Variants in LOXL2 observed in about 807,000 individuals in gnomAD.
LOXL2 encodes lysyl oxidase homolog 2.
A neutral mutation model predicts 93.0 loss-of-function variants in LOXL2; 70 were observed. The observed-to-expected ratio is 0.75, with a 90% CI of 0.62 to 0.92. LOXL2 has a LOEUF of 0.92. Ranked by LOEUF, LOXL2 falls within the 40% of genes least tolerant of loss-of-function variation. The pLI, the probability that LOXL2 is intolerant of heterozygous loss-of-function variation, is 0.00. For missense variants in LOXL2, 973 were observed against 1,054.9 expected (o/e 0.92, Z 1.08); for synonymous variants, 438 against 413.2 (o/e 1.06, Z -0.73).
At chr8:23,318,123 C>T (rs189874853) in intron 8 of LOXL2, among the ~76,000 whole-genome samples, 2 of 152,000 alleles carry the variant, frequency 1.3e-5, no homozygotes, top group African/African-American at 2.4e-5. Context: ...AGGCAGATTA[C>T]CCTCCATAAT....
chr8:23,385,558 C>A (rs1298319925), intron 1 of LOXL2, among the ~76,000 whole-genome samples: 1 of 152,062 alleles, frequency 6.6e-6, no homozygotes, highest in Non-Finnish European at 1.5e-5. Context: ...CTACACCCAG[C>A]CAAAGTTGGA....
At chr8:23,363,773 T>C (rs1438327233) in intron 2 of LOXL2, 2 of 152,216 alleles carry the variant, frequency 1.3e-5, no homozygotes, top group South Asian at 2.1e-4. Flanking sequence ...CTTCCACATA[T>C]GCTTGGTCAA....
chr8:23,364,848 A>G (rs1036794890), intron 2 of LOXL2: 2 of 152,186 alleles, frequency 1.3e-5, no homozygotes, highest in Non-Finnish European at 2.9e-5. Flanking sequence ...TCTCAAAGAA[A>G]AGGAAAGAAA....
At chr8:23,305,444 G>T (rs1803214845) in intron 10 of LOXL2, among the ~76,000 whole-genome samples, 1 of 152,108 alleles carries the variant, frequency 6.6e-6, no homozygotes, top group Admixed American at 6.5e-5. Flanking sequence ...GGCGTATGCG[G>T]TCATCCCTCC....
intron 10 of LOXL2, among the ~76,000 whole-genome samples, chr8:23,305,254 C>T (rs1209491309): frequency 1.3e-5 from 2 of 152,164 alleles, no homozygotes; most frequent in African/African-American, 2.4e-5. Flanking sequence ...AGAATTCAGA[C>T]GGAGCGCACA....
chr8:23,398,461 A>C (rs542055083), intron 1 of LOXL2, among the ~76,000 whole-genome samples: 2 of 152,334 alleles, frequency 1.3e-5, no homozygotes, highest in African/African-American at 4.8e-5. Flanking sequence ...ATCCCAAGTG[A>C]AGGGATCAAA....
chr8:23,308,374 T>TG (rs1803266450), intron 10 of LOXL2, among the ~76,000 whole-genome samples: 1 of 152,240 alleles, frequency 6.6e-6, no homozygotes, highest in African/African-American at 2.4e-5. Context: ...CAGATACCTC[T>TG]GGTCCAAGGA....
At position 23,334,231 on chromosome 8, in the gene LOXL2, GT is replaced by G. The variant is rs554442325; in HGVS notation, c.744-609del. ...TTTTTGTATTTTTAGTAGAGACGGG[GT>G]TTCGCCATGTTGGCCAGGATGGTCT... On this transcript the variant is annotated intron_variant, in intron 4 of 13. Transcript: ENST00000389131. Among the ~76,000 whole-genome samples the G allele has an allele frequency of 2.4e-3, 365 of 152,316 alleles. 3 individuals carry two copies. The highest frequency in any genetic ancestry group is 8.2e-3 in the African/African-American group (342 of 41,580).
At chr8:23,357,411 C>A (rs1038454866) in intron 3 of LOXL2, among the ~76,000 whole-genome samples, 1 of 152,138 alleles carries the variant, frequency 6.6e-6, no homozygotes, top group Non-Finnish European at 1.5e-5. Flanking sequence ...CATGAAAATT[C>A]TGCTTTTGAA....
intron 1 of LOXL2, among the ~76,000 whole-genome samples, chr8:23,399,212 T>A (rs568030776): frequency 7.9e-5 from 12 of 152,168 alleles, no homozygotes; most frequent in Non-Finnish European, 1.6e-4. Context: ...GTGACTGCCA[T>A]GCAGACCGAC....
chr8:23,318,425 G>GCA (rs59051890), intron 8 of LOXL2, among the ~76,000 whole-genome samples: 4,168 of 145,806 alleles, frequency 0.029, 122 homozygotes, highest in Admixed American at 0.097. Context: ...TTGGTTGATA[G>GCA]CACACACACA....
chr8:23,304,632 T>C (rs935579453), intron 10 of LOXL2, among the ~76,000 whole-genome samples: 3 of 152,106 alleles, frequency 2.0e-5, no homozygotes, highest in East Asian at 3.9e-4. Flanking sequence ...GGCCGCAAGA[T>C]TGAATAAGAT....
intron 1 of LOXL2, among the ~76,000 whole-genome samples, chr8:23,372,673 G>A (rs900631377): frequency 2.6e-5 from 4 of 152,160 alleles, no homozygotes; most frequent in African/African-American, 7.2e-5. Flanking sequence ...GACAGTTTAC[G>A]ATAATGAAAG....
At chr8:23,304,127 ACAG>A (rs1330791632) in intron 10 of LOXL2, among the ~76,000 whole-genome samples, 2 of 152,240 alleles carry the variant, frequency 1.3e-5, no homozygotes, top group African/African-American at 4.8e-5. Flanking sequence ...TCAGGGGCAC[ACAG>A]CAGCGGCAAA....
chr8:23,389,326 T>A (rs907847497), intron 1 of LOXL2, among the ~76,000 whole-genome samples: 1 of 152,178 alleles, frequency 6.6e-6, no homozygotes, highest in Admixed American at 6.5e-5. Flanking sequence ...GCTACTGAAA[T>A]TTTTTTCTTC....
chr8:23,298,737 C>T (rs1219529510), intron 13 of LOXL2, 99 bp downstream of exon 13: 2 of 718,076 alleles, frequency 2.8e-6, no homozygotes, highest in Non-Finnish European at 2.5e-6. Context: ...TGGCTGCATT[C>T]CCCGAGCTCT....
chr8:23,298,131 C>G lies in LOXL2; in HGVS notation c.2246-9G>C. The stretch of plus-strand genomic sequence containing the variant: ...TTCGCTGAAGGAACCACCTGAAGAG[C>G]GAGAATCGGGTAGAGAGAGTGGACA... On this transcript the variant is annotated splice_polypyrimidine_tract_variant and intron_variant, in intron 13 of 13. Transcript: ENST00000389131. 6.2e-7 allele frequency: 1 copy of G among 1,609,936 alleles called. No homozygotes were observed. The highest frequency in any genetic ancestry group is 8.5e-7 in the Non-Finnish European group (1 of 1,177,022).
intron 9 of LOXL2, among the ~76,000 whole-genome samples, chr8:23,311,002 G>A (rs1158609644): frequency 6.6e-6 from 1 of 152,230 alleles, no homozygotes; most frequent in Non-Finnish European, 1.5e-5. Context: ...GTGATCACAA[G>A]ATCCTGCCAT....
At chr8:23,337,234 G>A in intron 4 of LOXL2, 1 of 152,800 alleles carries the variant, frequency 6.5e-6, no homozygotes, top group Non-Finnish European at 1.5e-5. Context: ...GCCTTTGGTA[G>A]TACTACAGCC....
Sources: gnomAD v4.1 joint callset for allele counts (sites outside exome capture counted in the v4.1 genomes callset) on GRCh38, gnomAD v4.1.1 for gene constraint, MANE v1.5 for transcripts, NCBI Gene and HGNC (gene_info 2026-07-23, HGNC 2026-07-21) for gene names.